The following DNMT3A variants were observed in gnomAD, a reference collection of about 807,000 sequenced individuals.
DNMT3A encodes the protein DNA methyltransferase 3 alpha.
DNMT3A carries 267 observed loss-of-function variants against 117.6 expected under a neutral mutation model. The observed-to-expected ratio is 2.27, with a 90% confidence interval of 2.05 to 2.51. The LOEUF (loss-of-function observed/expected upper bound fraction) is 2.51, where lower values mean the gene tolerates loss of function less well. Among genes scored for constraint, DNMT3A ranks in the 30% most tolerant of loss-of-function variants. DNMT3A has a pLI of 0.00. For missense variants in DNMT3A, 1,029 were observed against 1,260.2 expected, an observed-to-expected ratio of 0.82 and a Z score of 2.78; for synonymous variants, 432 against 474.8, an observed-to-expected ratio of 0.91 and a Z score of 1.17.
chr2:25,341,849 G>C lies in DNMT3A; in HGVS notation c.-201C>G. The C allele has an allele frequency of 1.0e-6, 1 of 980,028 alleles. No homozygotes were observed. The highest frequency in any genetic ancestry group is 1.2e-6 in the Non-Finnish European group (1 of 827,768). The allele number at this position is 980,028 out of a possible 1,614,324, so 60.7% of individuals were successfully genotyped here. ...ACCGTATGGCCGGTGGGGTCGGGCC[G>C]GCCCGGCTGCGCGCCCTGGTGCCGC... On this transcript the variant is annotated 5_prime_UTR_variant, in exon 1 of 23. Coordinates refer to ENST00000321117, the MANE Select transcript of DNMT3A (RefSeq NM_022552.5).
At chr2:25,245,500 G>A (rs1011790242) in intron 12 of DNMT3A, among the ~76,000 whole-genome samples, 168 bp from the exon 13 acceptor site, 9 of 152,238 alleles carry the variant, frequency 5.9e-5, no homozygotes, top group African/African-American at 9.6e-5. Context: ...CCCCAGTCTC[G>A]AACGCCATCA....
rs886834818 is a variant in DNMT3A at position 25,305,355 on chromosome 2, C to T, written c.73-5112G>A. On this transcript the variant is annotated intron_variant, in intron 2 of 22. Transcript: ENST00000321117. The surrounding 1 kb of genome is among the most constrained non-coding windows in gnomAD (Gnocchi z 4.1). ...TAAACATCTGAGGCTACGATCTGAC[C>T]TACATTTCAACACTGCTCACTGGAT... Among the ~76,000 whole-genome samples, 2 of 152,152 alleles carry T rather than the reference C, an allele frequency of 1.3e-5. No homozygotes were observed. The highest frequency in any genetic ancestry group is 1.9e-4 in the East Asian group (1 of 5,198).
rs1558705376 is a variant in DNMT3A at position 25,282,783 on chromosome 2, GCTCTGAAATT to G, written c.178-82_178-73del. 1 of 1,461,584 alleles carries G rather than the reference GCTCTGAAATT, an allele frequency of 6.8e-7. No individual in the cohort carries two copies. The highest frequency in any genetic ancestry group is 1.4e-5 in the African/African-American group (1 of 69,412). 90.5% of individuals were successfully genotyped at this position (1,461,584 alleles called of 1,614,324 possible). On this transcript the variant is annotated intron_variant, in intron 3 of 22. Transcript: ENST00000321117. This position sits in a 1 kb window ranked among gnomAD's most constrained non-coding sequence, Gnocchi z 5.2. Reference sequence around the variant, plus strand: ...CTTAGCCTGTTTTGGATCATTGACCGCTCTGAAATTCTAGAGAATGTTATGCACTTTCTGT... The same window carrying G: ...CTTAGCCTGTTTTGGATCATTGACCGCTAGAGAATGTTATGCACTTTCTGT...
intron 4 of DNMT3A, among the ~76,000 whole-genome samples, chr2:25,279,170 T>C (rs2031693095): frequency 6.6e-6 from 1 of 152,172 alleles, no homozygotes; most frequent in East Asian, 1.9e-4. Flanking sequence ...CACAGGCCTG[T>C]CGGGTGTTGG....
At chr2:25,313,401 G>A (rs992857620) in intron 2 of DNMT3A, among the ~76,000 whole-genome samples, 3 of 152,278 alleles carry the variant, frequency 2.0e-5, no homozygotes, top group East Asian at 3.9e-4. Flanking sequence ...AAGTGTGCTG[G>A]CGCCACACTG....
At position 25,300,724 on chromosome 2, in the gene DNMT3A, T is replaced by C. The variant is rs868015474; in HGVS notation, c.73-481A>G. ...ATCTAAATAATATAATATATATATA[T>C]ATATATATATATATATATATATATA... On this transcript the variant is annotated intron_variant, in intron 2 of 22. Transcript: ENST00000321117. 3.9e-3 allele frequency among the ~76,000 whole-genome samples: 73 copies of C among 18,598 alleles called. 2 individuals carry two copies. The highest frequency in any genetic ancestry group is 5.5e-3 in the Non-Finnish European group (59 of 10,756). The allele number at this position is 18,598 out of a possible 152,430, so 12.2% of individuals were successfully genotyped here.
intron 19 of DNMT3A, among the ~76,000 whole-genome samples, chr2:25,239,912 G>A (rs1427754177): frequency 6.6e-6 from 1 of 152,218 alleles, no homozygotes; most frequent in African/African-American, 2.4e-5. Context: ...TCAGGTGCCT[G>A]TCATGGTACC....
In DNMT3A at chr2:25,305,972, G is replaced by A. The variant is rs1022795467; in HGVS notation, c.73-5729C>T. 3.3e-5 allele frequency among the ~76,000 whole-genome samples: 5 copies of A among 152,204 alleles called. No individual in the cohort carries two copies. The highest frequency in any genetic ancestry group is 9.7e-5 in the African/African-American group (4 of 41,448). On this transcript the variant is annotated intron_variant, in intron 2 of 22. Transcript: ENST00000321117. The surrounding 1 kb of genome is among the most constrained non-coding windows in gnomAD (Gnocchi z 4.1). ...CTTGAGTCGAGGGGATGAACTTGCC[G>A]GATCTAGCCAGCTACTTGCCCGGGC...
intron 3 of DNMT3A, among the ~76,000 whole-genome samples, chr2:25,291,701 C>T (rs150392743): frequency 3.5e-4 from 54 of 152,368 alleles, no homozygotes; most frequent in African/African-American, 1.3e-3. Context: ...CTCCCTTCTC[C>T]CCAGAGATCT....
intron 6 of DNMT3A, among the ~76,000 whole-genome samples, chr2:25,265,814 A>G (rs950249291): frequency 2.0e-5 from 3 of 148,676 alleles, no homozygotes; most frequent in Non-Finnish European, 4.5e-5. Context: ...GTAAGACTCC[A>G]TCTCAAAAAA....
At chr2:25,336,221 C>T (rs968709434) in intron 1 of DNMT3A, among the ~76,000 whole-genome samples, 6 of 152,222 alleles carry the variant, frequency 3.9e-5, no homozygotes, top group Admixed American at 1.3e-4. Context: ...GTTGGTGGCT[C>T]GGTTCTGCCC....
chr2:25,250,967 T>C (rs1166868106), intron 6 of DNMT3A, among the ~76,000 whole-genome samples: 1 of 152,136 alleles, frequency 6.6e-6, no homozygotes, highest in Non-Finnish European at 1.5e-5. Context: ...CTCAGCCCCT[T>C]CACAGCGAGT....
At chr2:25,238,240 C>T (rs566123720) in intron 20 of DNMT3A, among the ~76,000 whole-genome samples, 8 of 152,132 alleles carry the variant, frequency 5.3e-5, no homozygotes, top group Non-Finnish European at 1.0e-4. Context: ...GGCCAGCTGC[C>T]CCAATGCCCC....
At chr2:25,285,326 T>C (rs972691935) in intron 3 of DNMT3A, among the ~76,000 whole-genome samples, 3 of 152,114 alleles carry the variant, frequency 2.0e-5, no homozygotes, top group Admixed American at 6.5e-5. Flanking sequence ...CGCCCAGAGG[T>C]GGCAATTAGG....
intron 1 of DNMT3A, chr2:25,328,528 T>C (rs2034875722): frequency 2.4e-6 from 1 of 424,898 alleles, no homozygotes; most frequent in Admixed American, 2.5e-5. Flanking sequence ...TATAGATGTG[T>C]CTGATTTCTC....
intron 1 of DNMT3A, among the ~76,000 whole-genome samples, chr2:25,341,435 G>C (rs942038044): frequency 7.6e-5 from 11 of 145,630 alleles, no homozygotes; most frequent in South Asian, 4.2e-4. Flanking sequence ...CGGCCCGGCC[G>C]GGGCCCCTGC....
At position 25,341,913 on chromosome 2, in the gene DNMT3A, C is replaced by T; in HGVS notation, c.-265G>A. On this transcript the variant is annotated 5_prime_UTR_variant, in exon 1 of 23. Transcript: ENST00000321117. ...GGCTCGTCCTCTGCTCTCGCCGCCG[C>T]CGCCGCCCGCGCGCCCTCCCTCCCT... The T allele has an allele frequency of 7.1e-6, 7 of 980,522 alleles. No individual in the cohort carries two copies. Among genetic ancestry groups the T allele is most frequent in the South Asian group, 4.5e-5 (1 of 22,074 alleles). 60.7% of individuals were successfully genotyped at this position (980,522 alleles called of 1,614,324 possible).
At chr2:25,314,919 A>G (rs1036073258) in intron 1 of DNMT3A, among the ~76,000 whole-genome samples, 1 of 152,178 alleles carries the variant, frequency 6.6e-6, no homozygotes, top group Non-Finnish European at 1.5e-5. Context: ...TGTAGGCCTC[A>G]AGCCAGAGAA....
chr2:25,273,730 A>C (rs907450929), intron 6 of DNMT3A, among the ~76,000 whole-genome samples: 1 of 151,916 alleles, frequency 6.6e-6, no homozygotes. Flanking sequence ...CGACCCCCAC[A>C]GAAGCTTCTC....
Sources: allele counts gnomAD v4.1 joint callset (sites outside exome capture counted in the v4.1 genomes callset), GRCh38; gene constraint gnomAD v4.1.1; non-coding constraint Gnocchi (gnomAD v3.1); transcripts MANE v1.5; gene names NCBI Gene and HGNC (gene_info 2026-07-23, HGNC 2026-07-21).